The following GAD2 variants were observed in gnomAD, a reference collection of about 807,000 sequenced individuals.
GAD2 encodes 65 kDa glutamic acid decarboxylase.
In GAD2, 22 loss-of-function variants were observed where a neutral mutation model predicts 80.1. That is an observed-to-expected ratio of 0.27 (90% CI 0.20 to 0.39). GAD2 has a LOEUF of 0.39. Among genes scored for constraint, GAD2 ranks in the 10% least tolerant of loss-of-function variants. The probability of loss-of-function intolerance (pLI) is 1.00; values close to 1 mark genes in which losing one functional copy is unlikely to be tolerated. For missense variants in GAD2, 624 were observed against 738.4 expected (o/e 0.85, Z 1.80); for synonymous variants, 274 against 256.9 (o/e 1.07, Z -0.64).
intron 8 of GAD2, among the ~76,000 whole-genome samples, chr10:26,261,688 G>A (rs1477967490): frequency 1.3e-5 from 2 of 152,140 alleles, no homozygotes; most frequent in African/African-American, 4.8e-5. Context: ...CTCTTGGTTT[G>A]AAGTAGATGT....
At position 26,217,740 on chromosome 10, in the gene GAD2, C is replaced by G; in HGVS notation, c.136+71C>G. On this transcript the variant is annotated intron_variant, in intron 2 of 15. Transcript: ENST00000376261. The surrounding 1 kb of genome is among the most constrained non-coding windows in gnomAD (Gnocchi z 4.9). ...CAAGCAGTCTTCTCACCTCCGCATC[C>G]CAGTCAGCGGAGTCGGGGTTTCCTG... The G allele has an allele frequency of 6.3e-7, 1 of 1,591,498 alleles. No individual in the cohort carries two copies.
intron 6 of GAD2, among the ~76,000 whole-genome samples, chr10:26,225,196 C>T (rs147164780): frequency 1.2e-4 from 18 of 152,262 alleles, no homozygotes; most frequent in African/African-American, 2.9e-4. Flanking sequence ...TAGAGGGTGA[C>T]GATTTCTTCA....
chr10:26,280,108 C>G (rs1236258262), intron 11 of GAD2, among the ~76,000 whole-genome samples: 1 of 152,190 alleles, frequency 6.6e-6, no homozygotes, highest in African/African-American at 2.4e-5. Flanking sequence ...CCCAATCACT[C>G]TAAGCTGTGC....
intron 13 of GAD2, 147 bp downstream of exon 13, chr10:26,286,641 A>G (rs986205950): frequency 8.4e-6 from 6 of 714,036 alleles, no homozygotes; most frequent in African/African-American, 1.8e-5. Flanking sequence ...AAATACCTTC[A>G]TTTGACATGA....
intron 10 of GAD2, 68 bp downstream of exon 10, chr10:26,270,824 A>G: frequency 9.7e-7 from 1 of 1,026,906 alleles, no homozygotes; most frequent in South Asian, 1.3e-5. Flanking sequence ...CACACAAAGG[A>G]AATTTGTTTT....
At chr10:26,226,608 T>C (rs1268218297) in intron 6 of GAD2, among the ~76,000 whole-genome samples, 1 of 152,186 alleles carries the variant, frequency 6.6e-6, no homozygotes, top group Non-Finnish European at 1.5e-5. Context: ...GCCTTGCTCC[T>C]GCAGTAAAGG....
At chr10:26,244,437 T>G (rs112907078) in intron 7 of GAD2, among the ~76,000 whole-genome samples, 6,866 of 152,278 alleles carry the variant, frequency 0.045, 500 homozygotes, top group African/African-American at 0.16. Context: ...TACCCCCATA[T>G]GTCACAGTAG....
intron 9 of GAD2, among the ~76,000 whole-genome samples, chr10:26,269,956 A>G (rs1845115013): frequency 6.6e-6 from 1 of 152,182 alleles, no homozygotes; most frequent in Non-Finnish European, 1.5e-5. Flanking sequence ...GCTGCCACCT[A>G]AAGACTGACA....
Position 26,286,338 on chromosome 10 carries a change from C to T in GAD2, c.1237-7C>T. ...GAATTTCCTAAATTTTCTCTTCTCTCTTGTAGGGATTGATGCAGAATTGCA... is the reference window on the plus strand; with the variant it reads ...GAATTTCCTAAATTTTCTCTTCTCTTTTGTAGGGATTGATGCAGAATTGCA... On this transcript the variant is annotated splice_region_variant and splice_polypyrimidine_tract_variant and intron_variant, in intron 12 of 15. Coordinates refer to ENST00000376261, the MANE Select transcript of GAD2 (RefSeq NM_001134366.2). 6.2e-7 allele frequency: 1 copy of T among 1,611,338 alleles called. No homozygotes were observed. The highest frequency in any genetic ancestry group is 8.5e-7 in the Non-Finnish European group (1 of 1,179,144).
intron 4 of GAD2, 66 bp downstream of exon 4, chr10:26,219,342 T>C (rs1564654727): frequency 2.7e-6 from 3 of 1,098,062 alleles, no homozygotes; most frequent in Non-Finnish European, 2.6e-6. Flanking sequence ...TTTTTTTCTA[T>C]AAAATGTTTT....
At chr10:26,291,107 T>G (rs8190780) in intron 13 of GAD2, among the ~76,000 whole-genome samples, 65,036 of 152,122 alleles carry the variant, frequency 0.43, 17,885 homozygotes, top group African/African-American at 0.79. Flanking sequence ...AAGCCATTCA[T>G]CTGGACAGGG....
intron 7 of GAD2, among the ~76,000 whole-genome samples, chr10:26,244,347 GA>G (rs1844780141): frequency 6.6e-6 from 1 of 152,208 alleles, no homozygotes; most frequent in East Asian, 1.9e-4. Flanking sequence ...GTTAAAAATA[GA>G]AGTGCTGTAT....
intron 11 of GAD2, among the ~76,000 whole-genome samples, chr10:26,279,716 C>T (rs149742217): frequency 1.7e-3 from 257 of 152,236 alleles, no homozygotes; most frequent in African/African-American, 5.3e-3. Flanking sequence ...TCCCTGAGCA[C>T]GGAATCGCTG....
At chr10:26,216,568 G>T (rs1844373119), upstream of GAD2, 4 of 374,236 alleles carry the variant, frequency 1.1e-5, no homozygotes, top group African/African-American at 6.5e-5. The surrounding 1 kb of genome is among the most constrained non-coding windows in gnomAD (Gnocchi z 4.7). Flanking sequence ...CTCTTTTAAA[G>T]CTCCCCGGCT....
chr10:26,217,975 G>A lies in GAD2; in HGVS notation c.270G>A (p.Ala90=). 1.9e-6 allele frequency: 3 copies of A among 1,610,648 alleles called. No homozygotes were observed. Among genetic ancestry groups the A allele is most frequent in the Non-Finnish European group, 2.5e-6 (3 of 1,178,618 alleles). The change falls in exon 3 of 16, where the codon GCG becomes GCA. Residue 90 remains alanine, a synonymous_variant. Coordinates refer to ENST00000376261, the MANE Select transcript of GAD2 (RefSeq NM_001134366.2). This position sits in a 1 kb window ranked among gnomAD's most constrained non-coding sequence, Gnocchi z 4.9. ...GCTCCAAAGTGGATGTCAACTACGCGTTTCTCCATGCAACAGGTAAAGACT... is the reference window on the plus strand; with the variant it reads ...GCTCCAAAGTGGATGTCAACTACGCATTTCTCCATGCAACAGGTAAAGACT... ...CSCSKVDVNY[A]FLHATDLLPA...
rs538097545 is a variant in GAD2 at position 26,285,148 on chromosome 10, G to A, written c.1237-1197G>A. ...TCTACTGATCTAATACAAATACATC[G>A]TATTTAATTTTTCTTATTCTGAAAA... On this transcript the variant is annotated intron_variant, in intron 12 of 15. Transcript: ENST00000376261. Among the ~76,000 whole-genome samples the A allele has an allele frequency of 5.3e-5, 8 of 152,156 alleles. No individual in the cohort carries two copies. In the East Asian group the frequency reaches 5.8e-4, roughly 11 times the overall value.
At chr10:26,224,505 A>G in intron 5 of GAD2, 34 bp from the exon 6 acceptor site, 2 of 1,202,526 alleles carry the variant, frequency 1.7e-6, no homozygotes, top group Non-Finnish European at 2.5e-6. Flanking sequence ...TATCTGAGTT[A>G]CAGAGGTAAA....
intron 6 of GAD2, 93 bp from the exon 7 acceptor site, chr10:26,229,569 G>A: frequency 1.2e-6 from 1 of 836,404 alleles, no homozygotes; most frequent in Non-Finnish European, 1.9e-6. Context: ...TGAGTCCAAG[G>A]AGGACTCAGG....
chr10:26,261,695 A>T (rs563732470), intron 8 of GAD2, among the ~76,000 whole-genome samples: 2 of 152,248 alleles, frequency 1.3e-5, no homozygotes, highest in East Asian at 3.9e-4. Flanking sequence ...TTTGAAGTAG[A>T]TGTTTTTATC....
Sources: allele counts gnomAD v4.1 joint callset (sites outside exome capture counted in the v4.1 genomes callset), GRCh38; gene constraint gnomAD v4.1.1; non-coding constraint Gnocchi (gnomAD v3.1); transcripts MANE v1.5; gene names NCBI Gene and HGNC (gene_info 2026-07-23, HGNC 2026-07-21).